VPS13A: variants seen among roughly 807,000 people sequenced by gnomAD.
VPS13A encodes intermembrane lipid transfer protein VPS13A.
A neutral mutation model predicts 390.9 loss-of-function variants in VPS13A; 264 were observed. That is an observed-to-expected ratio of 0.68 (90% CI 0.61 to 0.75). The LOEUF is 0.75. VPS13A is among the 30% of genes least tolerant of loss of function. The pLI, the probability that VPS13A is intolerant of heterozygous loss-of-function variation, is 0.00. For missense variants in VPS13A, 3,409 were observed against 3,733.9 expected (o/e 0.91, Z 2.27); for synonymous variants, 1,231 against 1,227.1 (o/e 1.00, Z -0.07).
At position 77,183,218 on chromosome 9, in the gene VPS13A, G is replaced by A. The variant is rs145970800; in HGVS notation, c.100+5414G>A. ...ATTATGTATTAACAGCTTTATTGAC[G>A]TATAATTAACATGCAGTAAAATACA... On this transcript the variant is annotated intron_variant, in intron 1 of 71. Coordinates refer to ENST00000360280, the MANE Select transcript of VPS13A (RefSeq NM_033305.3). Among the ~76,000 whole-genome samples the A allele has an allele frequency of 3.7e-4, 56 of 152,170 alleles. 1 individual carries two copies. The highest frequency in any genetic ancestry group is 2.4e-3 in the Admixed American group (37 of 15,282).
intron 5 of VPS13A, among the ~76,000 whole-genome samples, chr9:77,208,105 C>G (rs1825780336): frequency 6.6e-6 from 1 of 152,128 alleles, no homozygotes; most frequent in Non-Finnish European, 1.5e-5. Context: ...GAAAGAAAGA[C>G]AACATTTAAT....
intron 45 of VPS13A, among the ~76,000 whole-genome samples, chr9:77,326,831 G>C (rs1221820684): frequency 1.1e-4 from 16 of 151,632 alleles, no homozygotes; most frequent in Non-Finnish European, 2.2e-4. Context: ...GTTTCTTTTA[G>C]ACGGATCTTT....
At chr9:77,177,929 G>A (rs1823740895) in intron 1 of VPS13A, 125 bp downstream of exon 1, 3 of 772,424 alleles carry the variant, frequency 3.9e-6, no homozygotes, top group African/African-American at 1.7e-5. Flanking sequence ...ACCTGCCGCC[G>A]CCCGCCTGTG....
intron 17 of VPS13A, among the ~76,000 whole-genome samples, chr9:77,234,481 A>G (rs1370840618): frequency 6.6e-6 from 1 of 152,212 alleles, no homozygotes; most frequent in East Asian, 1.9e-4. Flanking sequence ...CAGTATGCCT[A>G]TGGTCCCTGA....
chr9:77,193,779 C>A (rs926799611), intron 1 of VPS13A, among the ~76,000 whole-genome samples: 8 of 152,192 alleles, frequency 5.3e-5, no homozygotes, highest in African/African-American at 1.9e-4. Context: ...CCTTTAATCT[C>A]TCCAGTTGCT....
intron 62 of VPS13A, 102 bp from the exon 63 acceptor site, chr9:77,369,197 A>T: frequency 1.2e-6 from 1 of 830,790 alleles, no homozygotes; most frequent in Non-Finnish European, 2.1e-6. Context: ...AATTGGCATT[A>T]AAGGTGTTGG....
At chr9:77,221,156 G>T in intron 12 of VPS13A, 29 bp from the exon 13 acceptor site, 2 of 1,605,400 alleles carry the variant, frequency 1.2e-6, no homozygotes, top group Non-Finnish European at 1.7e-6. Flanking sequence ...TGATTTGAGG[G>T]TGTTAAATGT....
intron 1 of VPS13A, among the ~76,000 whole-genome samples, chr9:77,182,282 C>T (rs553074261): frequency 3.3e-5 from 5 of 152,056 alleles, no homozygotes; most frequent in Non-Finnish European, 5.9e-5. Flanking sequence ...TTAGTAGGGA[C>T]GGCATTTCAC....
rs1429231091 is a variant in VPS13A, at chr9:77,344,291, T to C, written c.7155+10T>C. The C allele has an allele frequency of 4.3e-6, 7 of 1,612,862 alleles. No individual in the cohort carries two copies. Among genetic ancestry groups the C allele is most frequent in the Non-Finnish European group, 5.9e-6 (7 of 1,179,340 alleles). On this transcript the variant is annotated intron_variant, in intron 51 of 71. Coordinates refer to ENST00000360280, the MANE Select transcript of VPS13A (RefSeq NM_033305.3). ...GCGTCTAGATAACGAGGTAAGTTTT[T>C]TTTTCTTTTTTGCATGTGTCATTAG...
chr9:77,272,946 T>G lies in VPS13A; in HGVS notation c.2428-334T>G, dbSNP rs1314521574. Among the ~76,000 whole-genome samples the G allele has an allele frequency of 2.0e-5, 3 of 152,342 alleles. No homozygotes were observed. The South Asian group carries it at 6.2e-4, about 32-fold the overall frequency. On this transcript the variant is annotated intron_variant, in intron 23 of 71. Coordinates refer to ENST00000360280, the MANE Select transcript of VPS13A (RefSeq NM_033305.3). The stretch of plus-strand genomic sequence containing the variant: ...AAGTAAGTTCCTCAATTCTAGAGGC[T>G]TTAAGTATTGTGACTTGTGTGTTCC...
intron 10 of VPS13A, 102 bp from the exon 11 acceptor site, chr9:77,219,852 G>A: frequency 8.2e-7 from 1 of 1,217,244 alleles, no homozygotes; most frequent in Non-Finnish European, 1.2e-6. Flanking sequence ...TGTAGAAGGG[G>A]TATAAAATAA....
chr9:77,237,058 T>A (rs761924653), intron 17 of VPS13A, among the ~76,000 whole-genome samples: 1 of 151,688 alleles, frequency 6.6e-6, no homozygotes, highest in Non-Finnish European at 1.5e-5. Flanking sequence ...CCCAGCTAAT[T>A]TTTGTATTTT....
chr9:77,312,739 AAC>A (rs1829161617), intron 35 of VPS13A, among the ~76,000 whole-genome samples: 1 of 152,252 alleles, frequency 6.6e-6, no homozygotes, highest in East Asian at 1.9e-4. Flanking sequence ...TTATCAGGAA[AAC>A]TTCACAGTTC....
In VPS13A at chr9:77,321,224, A is replaced by G. The variant is rs144290291; in HGVS notation, c.5471A>G (p.Tyr1824Cys). The change falls in exon 43 of 72, where the codon TAC becomes TGC. Residue 1824 changes from tyrosine to cysteine, a missense_variant. Transcript: ENST00000360280. Reference sequence around the variant, plus strand: ...GAGTCAGATCCTGAAGAAGAAAACTACAAAGTGCCAGAATATAAAACTGTC... The same window carrying G: ...GAGTCAGATCCTGAAGAAGAAAACTGCAAAGTGCCAGAATATAAAACTGTC... Reference protein sequence around the residue: ...IVESDPEEENYKVPEYKTVIS... With the variant: ...IVESDPEEENCKVPEYKTVIS... 1.6e-4 allele frequency: 263 copies of G among 1,612,746 alleles called. 1 individual carries two copies. Among genetic ancestry groups the G allele is most frequent in the African/African-American group, 9.1e-4 (68 of 75,008 alleles).
rs982731511 is a variant in VPS13A at position 77,273,198 on chromosome 9, T to C, written c.2428-82T>C. ...GGATAGCTTTTTGTCAAAACTGTTG[T>C]AGAACTTTGAATAAACATTTTTTGA... On this transcript the variant is annotated intron_variant, in intron 23 of 71. Transcript: ENST00000360280. 3.6e-6 allele frequency: 4 copies of C among 1,096,170 alleles called. No homozygotes were observed. The African/African-American group carries it at 4.7e-5, about 13-fold the overall frequency. 67.9% of individuals were successfully genotyped at this position (1,096,170 alleles called of 1,614,324 possible).
At chr9:77,387,114 C>A (rs1169772067) in intron 68 of VPS13A, among the ~76,000 whole-genome samples, 4 of 147,440 alleles carry the variant, frequency 2.7e-5, no homozygotes, top group Non-Finnish European at 4.5e-5. Flanking sequence ...TGAAAAAAAA[C>A]TTGAATTTTT....
intron 10 of VPS13A, 107 bp downstream of exon 10, chr9:77,214,493 A>G (rs1822742094): frequency 2.4e-6 from 2 of 824,104 alleles, no homozygotes; most frequent in Non-Finnish European, 2.0e-6. Context: ...TTCCTTCTAT[A>G]TAGTTAAATG....
In VPS13A at chr9:77,337,342, T is replaced by A; in HGVS notation, c.6183T>A (p.Ala2061=). 6.2e-7 allele frequency: 1 copy of A among 1,612,908 alleles called. No homozygotes were observed. The highest frequency in any genetic ancestry group is 8.5e-7 in the Non-Finnish European group (1 of 1,179,204). ...DFEEIIKNDG[A]LLKKKCRSKN... The stretch of plus-strand genomic sequence containing the variant: ...AAGAGATTATAAAAAATGATGGTGC[T>A]CTTCTAAAGAAGAAATGTAGATCTA... The change falls in exon 47 of 72, where the codon GCT becomes GCA. Residue 2061 remains alanine, a synonymous_variant. Coordinates refer to ENST00000360280, the MANE Select transcript of VPS13A (RefSeq NM_033305.3).
Position 77,275,494 on chromosome 9 carries a change from G to T in VPS13A, c.2513-4G>T, listed in dbSNP as rs748590740. On this transcript the variant is annotated splice_region_variant and splice_polypyrimidine_tract_variant and intron_variant, in intron 24 of 71. Coordinates refer to ENST00000360280, the MANE Select transcript of VPS13A (RefSeq NM_033305.3). The stretch of plus-strand genomic sequence containing the variant: ...TGACTTAAATAATGTTCTGTGAAAT[G>T]TAGATTCAGAGGAGGAATTTTTTGA... The T allele has an allele frequency of 3.1e-6, 5 of 1,613,116 alleles. No individual in the cohort carries two copies. Among genetic ancestry groups the T allele is most frequent in the Non-Finnish European group, 3.4e-6 (4 of 1,179,292 alleles).
Sources: gnomAD v4.1 joint callset for allele counts (sites outside exome capture counted in the v4.1 genomes callset) on GRCh38, gnomAD v4.1.1 for gene constraint, MANE v1.5 for transcripts, NCBI Gene and HGNC (gene_info 2026-07-23, HGNC 2026-07-21) for gene names.